OBI1: variants seen among roughly 807,000 people sequenced by gnomAD.
OBI1 encodes ring finger protein 219.
Under a neutral mutation model 62.4 loss-of-function variants are expected in OBI1, and 59 were observed. The observed-to-expected ratio is 0.95, with a 90% confidence interval of 0.77 to 1.17. OBI1 has a LOEUF of 1.17. Ranked by LOEUF, OBI1 falls within the 50% of genes most tolerant of loss-of-function variation. The probability of loss-of-function intolerance (pLI) is 0.00; values close to 1 mark genes in which losing one functional copy is unlikely to be tolerated. For missense variants in OBI1, 875 were observed against 830.9 expected, an observed-to-expected ratio of 1.05 and a Z score of -0.65; for synonymous variants, 302 against 292.8, an observed-to-expected ratio of 1.03 and a Z score of -0.32.
intron 3 of OBI1, among the ~76,000 whole-genome samples, chr13:78,641,910 T>C (rs1876227698): frequency 2.6e-5 from 4 of 151,540 alleles, no homozygotes; most frequent in Non-Finnish European, 2.9e-5. Flanking sequence ...TCCTTGGTAC[T>C]TAAAGAAAAA....
Position 78,615,835 on chromosome 13 carries a change from T to A in OBI1, c.1926A>T (p.Pro642=). The A allele has an allele frequency of 6.2e-7, 1 of 1,614,064 alleles. No homozygotes were observed. Among genetic ancestry groups the A allele is most frequent in the African/African-American group, 1.3e-5 (1 of 75,038 alleles). ...SCPVTNEIKP[P]SCLFQTEFSQ... is the part of the protein sequence containing the mutation. ...AAAACTCTGTCTGAAACAAGCAGCT[T>A]GGGGGTTTGATTTCATTAGTTACTG... The change falls in exon 6 of 6, where the codon CCA becomes CCT. Residue 642 remains proline, a synonymous_variant. Coordinates refer to ENST00000282003, the MANE Select transcript of OBI1 (RefSeq NM_024546.4).
intron 5 of OBI1, among the ~76,000 whole-genome samples, chr13:78,629,521 G>A (rs1199998550): frequency 6.6e-6 from 1 of 151,968 alleles, no homozygotes; most frequent in Non-Finnish European, 1.5e-5. Flanking sequence ...CATGGAGAGA[G>A]GGCACAGAAC....
At chr13:78,638,489 T>C (rs1432342829) in intron 4 of OBI1, among the ~76,000 whole-genome samples, 1 of 152,192 alleles carries the variant, frequency 6.6e-6, no homozygotes, top group Admixed American at 6.5e-5. Context: ...AAGTCGCTGA[T>C]ATAAGCTTAA....
chr13:78,617,087 T>C lies in OBI1; in HGVS notation c.674A>G (p.Lys225Arg), dbSNP rs746077341. The C allele has an allele frequency of 7.0e-6, 11 of 1,582,576 alleles. No homozygotes were observed. The Admixed American group carries it at 1.9e-4, about 27-fold the overall frequency. Residue 225 changes from lysine to arginine, a missense_variant, in exon 6 of 6, where the codon AAA (lysine) becomes AGA (arginine). Lys to Arg is a conservative substitution (Grantham distance 26, BLOSUM62 2). Coordinates refer to ENST00000282003, the MANE Select transcript of OBI1 (RefSeq NM_024546.4). ...GGTTTCACGCTCATACTGTTCTACT[T>C]TGGACTGAAGAGCAGCAACTGCAAA... ...GRFAVAALQS[K>R]VEQYERETNR...
At chr13:78,630,684 C>T (rs898659470) in intron 5 of OBI1, among the ~76,000 whole-genome samples, 19 of 152,092 alleles carry the variant, frequency 1.2e-4, no homozygotes, top group African/African-American at 4.3e-4. Flanking sequence ...TTCGAGGATA[C>T]AGCAAAAAGA....
chr13:78,640,204 G>A (rs1194818525), intron 3 of OBI1, among the ~76,000 whole-genome samples: 2 of 151,126 alleles, frequency 1.3e-5, no homozygotes, highest in Non-Finnish European at 2.9e-5. Context: ...AAAAAAAAAA[G>A]GTACAGTTTG....
chr13:78,632,894 G>GA (rs1173648180), intron 5 of OBI1, among the ~76,000 whole-genome samples: 4 of 152,284 alleles, frequency 2.6e-5, no homozygotes, highest in African/African-American at 4.8e-5. Flanking sequence ...GTTAAAGATG[G>GA]AAAAATCCTA....
chr13:78,638,962 TTGCCC>T lies in OBI1; in HGVS notation c.405_409del (p.Gly136ProfsTer3). On this transcript the variant is annotated frameshift_variant, in exon 4 of 6. Coordinates refer to ENST00000282003, the MANE Select transcript of OBI1 (RefSeq NM_024546.4). LOFTEE classifies it high-confidence loss of function. Reference sequence around the variant, plus strand: ...GACTAGATGTTTGTCTTCATTTTGGTTGCCCTGCACCAAGGTTAAAGGATCCAGAA... The same window carrying T: ...GACTAGATGTTTGTCTTCATTTTGGTTGCACCAAGGTTAAAGGATCCAGAA... The T allele has an allele frequency of 6.2e-7, 1 of 1,614,046 alleles. No individual in the cohort carries two copies. Among genetic ancestry groups the T allele is most frequent in the South Asian group, 1.1e-5 (1 of 91,082 alleles).
intron 1 of OBI1, among the ~76,000 whole-genome samples, chr13:78,652,711 G>A (rs1566287745): frequency 6.6e-6 from 1 of 152,146 alleles, no homozygotes; most frequent in Non-Finnish European, 1.5e-5. Flanking sequence ...TAGATCCCTT[G>A]CATGCACAGT....
intron 5 of OBI1, among the ~76,000 whole-genome samples, chr13:78,620,397 A>C (rs1875469723): frequency 6.6e-6 from 1 of 152,182 alleles, no homozygotes. Context: ...TTCTTGAGTA[A>C]ATTTCAAAAT....
chr13:78,637,585 G>A (rs1162401806), intron 4 of OBI1, among the ~76,000 whole-genome samples: 1 of 152,170 alleles, frequency 6.6e-6, no homozygotes, highest in East Asian at 1.9e-4. Context: ...GGCTCAAGAA[G>A]AACCAGGGAA....
At chr13:78,642,805 T>A (rs1424457363) in intron 2 of OBI1, among the ~76,000 whole-genome samples, 2 of 151,986 alleles carry the variant, frequency 1.3e-5, no homozygotes, top group Non-Finnish European at 2.9e-5. Context: ...GAGAATGGCA[T>A]GAACCCGGGA....
Position 78,635,165 on chromosome 13 carries a change from G to T in OBI1, c.583C>A (p.Leu195Met). 1 of 1,609,382 alleles carries T rather than the reference G, an allele frequency of 6.2e-7. No homozygotes were observed. Among genetic ancestry groups the T allele is most frequent in the South Asian group, 1.1e-5 (1 of 90,400 alleles). Residue 195 changes from leucine to methionine, a missense_variant, in exon 5 of 6, where the codon CTG (leucine) becomes ATG (methionine). Leu to Met is a conservative substitution (Grantham distance 15). Coordinates refer to ENST00000282003, the MANE Select transcript of OBI1 (RefSeq NM_024546.4). ...TTCAGTCGTAAATTCTCCCTCACCA[G>T]ACCACCATTTTCCAATTTCAATTTT... ...NKKLKLENGGLVRENLRLKAE... is the reference protein window; with the variant it reads ...NKKLKLENGGMVRENLRLKAE...
chr13:78,617,182 GA>G, intron 5 of OBI1, 60 bp from the exon 6 acceptor site: 1 of 1,360,684 alleles, frequency 7.3e-7, no homozygotes. Context: ...TTCAAGGTTT[GA>G]GAGTGCAAAC....
chr13:78,648,920 A>T (rs1393268044), intron 1 of OBI1, among the ~76,000 whole-genome samples: 1 of 152,092 alleles, frequency 6.6e-6, no homozygotes, highest in Non-Finnish European at 1.5e-5. Context: ...TCTCAAAAAA[A>T]AAAAAAAAGA....
intron 5 of OBI1, 30 bp from the exon 6 acceptor site, chr13:78,617,152 A>G (rs757341480): frequency 1.0e-5 from 15 of 1,494,126 alleles, no homozygotes; most frequent in Admixed American, 9.4e-5. Context: ...AGTTAATCTT[A>G]TAACTCAAGC....
intron 1 of OBI1, among the ~76,000 whole-genome samples, chr13:78,657,362 C>G (rs1229467283): frequency 3.3e-5 from 5 of 151,012 alleles, no homozygotes; most frequent in African/African-American, 1.2e-4. Context: ...AATCTGAAGA[C>G]AAATGGTAAT....
At chr13:78,646,336 T>C (rs1876382097) in intron 1 of OBI1, among the ~76,000 whole-genome samples, 1 of 152,198 alleles carries the variant, frequency 6.6e-6, no homozygotes, top group Non-Finnish European at 1.5e-5. Flanking sequence ...GCTTGGTACT[T>C]AGCAGGTACT....
At chr13:78,620,901 G>C (rs1336306703) in intron 5 of OBI1, among the ~76,000 whole-genome samples, 2 of 152,164 alleles carry the variant, frequency 1.3e-5, no homozygotes, top group African/African-American at 4.8e-5. Context: ...TACTATCCTT[G>C]AGCAATTCAC....
Sources: allele counts gnomAD v4.1 joint callset (sites outside exome capture counted in the v4.1 genomes callset), GRCh38; gene constraint gnomAD v4.1.1; transcripts MANE v1.5; gene names NCBI Gene and HGNC (gene_info 2026-07-23, HGNC 2026-07-21).